PCDHA2: variants seen among roughly 807,000 people sequenced by gnomAD.
PCDHA2 encodes the protein protocadherin alpha-2.
Under a neutral mutation model 66.0 loss-of-function variants are expected in PCDHA2, and 58 were observed. The ratio of observed to expected loss-of-function variants is 0.88; its 90% CI spans 0.71 to 1.09. PCDHA2 has a LOEUF of 1.09. PCDHA2 is among the 50% of genes least tolerant of loss of function. The pLI is 0.00. For synonymous variants in PCDHA2, 634 were observed against 554.0 expected (o/e 1.14, Z -2.03); for missense variants, 1,267 against 1,242.3 (o/e 1.02, Z -0.30).
rs782333249 is a variant in PCDHA2 at position 140,978,931 on chromosome 5, CTCTT to C, written c.2389-16_2389-13del. On this transcript the variant is annotated splice_polypyrimidine_tract_variant and intron_variant, in intron 1 of 3. Coordinates refer to ENST00000526136, the MANE Select transcript of PCDHA2 (RefSeq NM_018905.3). ...TGTCTTGTCATTTTAACAGAAAACTCTCTTTGTGATTTTGCAGCCACGACAGCCC... is the reference window on the plus strand; with the variant it reads ...TGTCTTGTCATTTTAACAGAAAACTCTGTGATTTTGCAGCCACGACAGCCC... 4.3e-6 allele frequency: 7 copies of C among 1,614,126 alleles called. No individual in the cohort carries two copies. The Admixed American group carries it at 6.7e-5, about 15-fold the overall frequency.
chr5:140,961,704 C>T (rs1381981839), intron 1 of PCDHA2, among the ~76,000 whole-genome samples: 1 of 152,086 alleles, frequency 6.6e-6, no homozygotes, highest in African/African-American at 2.4e-5. Flanking sequence ...GTATGAATGC[C>T]TTCATTTCTA....
chr5:140,796,325 C>T lies in PCDHA2; in HGVS notation c.1361C>T (p.Ala454Val), dbSNP rs782053456. Residue 454 changes from alanine (A) to valine (V), a missense_variant, in exon 1 of 4, where the codon GCG becomes GTG. Coordinates refer to ENST00000526136, the MANE Select transcript of PCDHA2 (RefSeq NM_018905.3). ...EVADVNDNAP[A>V]FAQPEYTVFV... ...GCCGACGTGAACGACAACGCGCCGG[C>T]GTTCGCACAGCCTGAGTACACAGTA... is the stretch of plus-strand genomic sequence containing the variant. 6 of 1,613,828 alleles carry T rather than the reference C, an allele frequency of 3.7e-6. No homozygotes were observed. Among genetic ancestry groups the T allele is most frequent in the African/African-American group, 1.3e-5 (1 of 74,930 alleles).
intron 1 of PCDHA2, chr5:140,877,241 T>G (rs1554169505): frequency 1.2e-6 from 2 of 1,613,670 alleles, no homozygotes; most frequent in Non-Finnish European, 1.7e-6. Flanking sequence ...GCGGGCCACG[T>G]GGTGGCGAAA....
intron 1 of PCDHA2, among the ~76,000 whole-genome samples, chr5:140,899,683 T>A (rs1554188699): frequency 6.6e-6 from 1 of 152,222 alleles, no homozygotes; most frequent in African/African-American, 2.4e-5. Flanking sequence ...ATCAGGATGA[T>A]GCTGGCCTCA....
chr5:140,881,465 G>A, intron 1 of PCDHA2: 1 of 597,254 alleles, frequency 1.7e-6, no homozygotes, highest in Non-Finnish European at 2.1e-6. Flanking sequence ...TTAGAGCATT[G>A]TTGTGGCTAA....
intron 1 of PCDHA2, chr5:140,926,711 C>T: frequency 1.1e-6 from 1 of 925,094 alleles, no homozygotes; most frequent in Non-Finnish European, 1.5e-6. Context: ...AGCTGGCCAG[C>T]CCCGGCAATG....
chr5:140,984,981 A>G (rs2097130201), intron 3 of PCDHA2, among the ~76,000 whole-genome samples: 1 of 151,972 alleles, frequency 6.6e-6, no homozygotes, highest in South Asian at 2.1e-4. Flanking sequence ...TCTGTCCCCC[A>G]GGCTGGAGTC....
chr5:140,857,036 G>T (rs1174179572), intron 1 of PCDHA2: 1 of 1,596,046 alleles, frequency 6.3e-7, no homozygotes, highest in Non-Finnish European at 8.6e-7. Context: ...CCCACCTATG[G>T]TTGGTCACTG....
chr5:140,867,686 C>CT, intron 1 of PCDHA2: 1 of 152,084 alleles, frequency 6.6e-6, no homozygotes, highest in Middle Eastern at 3.4e-3. Flanking sequence ...GTTGCATCTT[C>CT]TTTTTTTCCT....
intron 1 of PCDHA2, among the ~76,000 whole-genome samples, chr5:140,838,075 ATAGTGTGTGT>A (rs2150283218): frequency 0.079 from 10,117 of 127,694 alleles, 686 homozygotes; most frequent in African/African-American, 0.19. Flanking sequence ...TTATATATAT[ATAGTGTGTGT>A]GTGTGTGTGT....
At chr5:141,000,414 TATATA>T (rs1398508145) in intron 3 of PCDHA2, among the ~76,000 whole-genome samples, 89 of 99,526 alleles carry the variant, frequency 8.9e-4, no homozygotes, top group African/African-American at 1.6e-3. Context: ...TATATATATA[TATATA>T]TATTTTTTTT....
At chr5:140,851,805 T>A (rs2042164036) in intron 1 of PCDHA2, 1 of 945,532 alleles carries the variant, frequency 1.1e-6, no homozygotes. Flanking sequence ...CTGTCAGTAA[T>A]CCATAAGACA....
chr5:141,000,412 TATATATATA>T (rs1297219533), intron 3 of PCDHA2, among the ~76,000 whole-genome samples: 3 of 102,772 alleles, frequency 2.9e-5, no homozygotes, highest in Admixed American at 1.2e-4. Flanking sequence ...TATATATATA[TATATATATA>T]TTTTTTTTTT....
rs2150434628 is a variant in PCDHA2, at chr5:140,849,311, C to T, written c.2388+51959C>T. On this transcript the variant is annotated intron_variant, in intron 1 of 3. Transcript: ENST00000526136. ...CCAATGCCTCAGATTTAGACGAAGGCTTGAATGGGGATATTATTTACTCCT... is the reference window on the plus strand; with the variant it reads ...CCAATGCCTCAGATTTAGACGAAGGTTTGAATGGGGATATTATTTACTCCT... 446 of 1,312,408 alleles carry T rather than the reference C, an allele frequency of 3.4e-4. 16 individuals carry two copies. The African/African-American group carries it at 6.8e-3, about 20-fold the overall frequency. 81.3% of individuals were successfully genotyped at this position (1,312,408 alleles called of 1,614,324 possible). A position where few individuals can be genotyped will look rare whatever the true frequency, so the allele number is the denominator to read the frequency against.
chr5:140,819,247 T>A (rs1766517839), intron 1 of PCDHA2, among the ~76,000 whole-genome samples: 1 of 152,184 alleles, frequency 6.6e-6, no homozygotes, highest in African/African-American at 2.4e-5. Flanking sequence ...CTCTGCAATC[T>A]GGTATATCTA....
At position 140,797,037 on chromosome 5, in the gene PCDHA2, T is replaced by C; in HGVS notation, c.2073T>C (p.Ala691=). The C allele has an allele frequency of 6.2e-7, 1 of 1,613,694 alleles. No individual in the cohort carries two copies. Among genetic ancestry groups the C allele is most frequent in the South Asian group, 1.1e-5 (1 of 91,084 alleles). Residue 691 remains alanine, a synonymous_variant, in exon 1 of 4, where the codon GCT becomes GCC. Coordinates refer to ENST00000526136, the MANE Select transcript of PCDHA2 (RefSeq NM_018905.3). The part of the protein sequence containing the change: ...RAWVGAAGSE[A]TLVDVNVYLI... ...GGGTGGGCGCCGCGGGCTCAGAGGC[T>C]ACGCTGGTGGATGTCAACGTGTACC...
At chr5:140,856,876 G>A (rs1554149244) in intron 1 of PCDHA2, 1 of 1,596,004 alleles carries the variant, frequency 6.3e-7, no homozygotes, top group Non-Finnish European at 8.6e-7. Context: ...ACAAGGAAAT[G>A]ATGTATTCAT....
chr5:140,850,555 C>T (rs1562471328), intron 1 of PCDHA2: 2 of 1,598,250 alleles, frequency 1.3e-6, no homozygotes, highest in South Asian at 1.1e-5. Context: ...GTGGGTGCCA[C>T]GGGCCCCGAG....
chr5:140,842,399 C>A, intron 1 of PCDHA2: 1 of 1,611,446 alleles, frequency 6.2e-7, no homozygotes, highest in Non-Finnish European at 8.5e-7. Flanking sequence ...CTTGCCTGTA[C>A]GTGAAGACGC....
Sources: allele counts gnomAD v4.1 joint callset (sites outside exome capture counted in the v4.1 genomes callset), GRCh38; gene constraint gnomAD v4.1.1; transcripts MANE v1.5; gene names NCBI Gene and HGNC (gene_info 2026-07-23, HGNC 2026-07-21).